Variants in EHBP1 observed in about 807,000 individuals in gnomAD.
EHBP1 encodes the protein EH domain binding protein 1.
In EHBP1, 55 loss-of-function variants were observed where a neutral mutation model predicts 144.0. The observed-to-expected ratio is 0.38, with a 90% CI of 0.31 to 0.48. The LOEUF is 0.48. Ranked by LOEUF, EHBP1 falls within the 20% of genes least tolerant of loss-of-function variation. The pLI is 0.98. For synonymous variants in EHBP1, 469 were observed against 472.7 expected (o/e 0.99, Z 0.10); for missense variants, 1,200 against 1,364.2 (o/e 0.88, Z 1.90).
chr2:62,876,538 A>G (rs1204856157), intron 10 of EHBP1, among the ~76,000 whole-genome samples: 1 of 152,246 alleles, frequency 6.6e-6, no homozygotes, highest in Non-Finnish European at 1.5e-5. Flanking sequence ...AGTTAAATAC[A>G]TAGACCATTG....
At chr2:62,721,058 T>A (rs1285637877) in intron 2 of EHBP1, among the ~76,000 whole-genome samples, 3 of 152,232 alleles carry the variant, frequency 2.0e-5, no homozygotes, top group Non-Finnish European at 4.4e-5. Context: ...GTTTTCTCAC[T>A]AATATCCTTT....
chr2:62,694,056 TG>T (rs1243526193), intron 1 of EHBP1, among the ~76,000 whole-genome samples: 1 of 152,264 alleles, frequency 6.6e-6, no homozygotes, highest in Non-Finnish European at 1.5e-5. Flanking sequence ...TAGTTTTAGC[TG>T]TTAACATTTA....
At chr2:62,928,661 TAAGG>T (rs2055731143) in intron 10 of EHBP1, among the ~76,000 whole-genome samples, 1 of 151,848 alleles carries the variant, frequency 6.6e-6, no homozygotes. Context: ...TGTTACAACT[TAAGG>T]AACTGGAAGA....
At chr2:62,985,009 G>A (rs1167161631) in intron 15 of EHBP1, among the ~76,000 whole-genome samples, 1 of 152,062 alleles carries the variant, frequency 6.6e-6, no homozygotes, top group Non-Finnish European at 1.5e-5. Context: ...CTGGAGAGTT[G>A]ATTGTGATGG....
intron 10 of EHBP1, among the ~76,000 whole-genome samples, chr2:62,941,728 A>T (rs1052675973): frequency 1.3e-5 from 2 of 151,962 alleles, no homozygotes; most frequent in Non-Finnish European, 2.9e-5. Flanking sequence ...TTCTCTTTTC[A>T]TTTTACTTTA....
chr2:62,810,985 A>T (rs1387106346), intron 5 of EHBP1, among the ~76,000 whole-genome samples: 7 of 152,110 alleles, frequency 4.6e-5, no homozygotes, highest in Non-Finnish European at 7.4e-5. Flanking sequence ...ACCCATTTAG[A>T]CCTTTCACCT....
intron 2 of EHBP1, among the ~76,000 whole-genome samples, chr2:62,743,947 A>G (rs1027435350): frequency 2.0e-5 from 3 of 152,088 alleles, no homozygotes; most frequent in African/African-American, 7.2e-5. Context: ...CAGGAGCACA[A>G]TATGAGACAA....
intron 5 of EHBP1, among the ~76,000 whole-genome samples, chr2:62,784,037 A>G (rs2042634287): frequency 6.6e-6 from 1 of 152,188 alleles, no homozygotes; most frequent in Non-Finnish European, 1.5e-5. Flanking sequence ...CTGGGGCAGG[A>G]TGAATTTAGA....
intron 19 of EHBP1, among the ~76,000 whole-genome samples, chr2:63,017,722 A>G (rs1359733431): frequency 6.6e-6 from 1 of 152,344 alleles, no homozygotes; most frequent in Middle Eastern, 3.4e-3. Context: ...AAAAGGTATA[A>G]TGAATTAATA....
At chr2:62,691,817 G>A (rs1417691828) in intron 1 of EHBP1, among the ~76,000 whole-genome samples, 3 of 152,172 alleles carry the variant, frequency 2.0e-5, no homozygotes, top group Non-Finnish European at 4.4e-5. Flanking sequence ...ATTTTGCTGA[G>A]CTCTAGCATA....
intron 14 of EHBP1, among the ~76,000 whole-genome samples, chr2:62,958,538 C>G (rs2057835893): frequency 6.6e-6 from 1 of 152,050 alleles, no homozygotes; most frequent in Non-Finnish European, 1.5e-5. Flanking sequence ...TTGGTGGTTG[C>G]CTGATGCCAG....
intron 19 of EHBP1, among the ~76,000 whole-genome samples, chr2:63,001,201 T>A (rs982347891): frequency 1.3e-5 from 2 of 152,196 alleles, no homozygotes; most frequent in Non-Finnish European, 2.9e-5. Context: ...TTACAGTGTT[T>A]TATTTACATT....
intron 12 of EHBP1, among the ~76,000 whole-genome samples, 185 bp from the exon 13 acceptor site, chr2:62,948,075 A>C (rs558901751): frequency 6.6e-6 from 1 of 152,250 alleles, no homozygotes; most frequent in African/African-American, 2.4e-5. Flanking sequence ...CTTATTTATT[A>C]CACTTTTTTC....
At chr2:62,695,715 A>G (rs1466313952) in intron 1 of EHBP1, among the ~76,000 whole-genome samples, 1 of 152,096 alleles carries the variant, frequency 6.6e-6, no homozygotes, top group Non-Finnish European at 1.5e-5. Flanking sequence ...AATCCTTATT[A>G]TTTTTATTTA....
chr2:62,855,985 C>G (rs1270185893), intron 7 of EHBP1, among the ~76,000 whole-genome samples: 1 of 152,120 alleles, frequency 6.6e-6, no homozygotes, highest in Non-Finnish European at 1.5e-5. Flanking sequence ...AGGGTCTCCT[C>G]CCTGCTAGGA....
At chr2:62,926,327 TAAAC>T (rs1241427362) in intron 10 of EHBP1, among the ~76,000 whole-genome samples, 1 of 151,884 alleles carries the variant, frequency 6.6e-6, no homozygotes, top group East Asian at 1.9e-4. Context: ...AAAGCATAAA[TAAAC>T]AAATGGGATT....
At chr2:62,873,878 A>G (rs1408695884) in intron 9 of EHBP1, among the ~76,000 whole-genome samples, 1 of 152,214 alleles carries the variant, frequency 6.6e-6, no homozygotes, top group Non-Finnish European at 1.5e-5. Context: ...AGAATTTACT[A>G]TAAGCAGAAT....
At chr2:62,693,950 T>C (rs1488438047) in intron 1 of EHBP1, among the ~76,000 whole-genome samples, 1 of 152,212 alleles carries the variant, frequency 6.6e-6, no homozygotes, top group African/African-American at 2.4e-5. Flanking sequence ...TTATCTGTTT[T>C]TTTCTTTTGT....
At chr2:62,974,450 A>G (rs1322449754) in intron 14 of EHBP1, among the ~76,000 whole-genome samples, 1 of 152,216 alleles carries the variant, frequency 6.6e-6, no homozygotes, top group Admixed American at 6.5e-5. Context: ...TTTGATACCC[A>G]GAAATCTTCA....
Sources: gnomAD v4.1 joint callset for allele counts (sites outside exome capture counted in the v4.1 genomes callset) on GRCh38, gnomAD v4.1.1 for gene constraint, MANE v1.5 for transcripts, NCBI Gene and HGNC (gene_info 2026-07-23, HGNC 2026-07-21) for gene names.